Variants in SLC8A1 observed in about 807,000 individuals in gnomAD.
SLC8A1 encodes sodium/calcium exchanger 1.
SLC8A1 carries 18 observed loss-of-function variants against 68.3 expected under a neutral mutation model. The ratio of observed to expected loss-of-function variants is 0.26; its 90% CI spans 0.18 to 0.39. The LOEUF is 0.39. Among genes scored for constraint, SLC8A1 ranks in the 10% least tolerant of loss-of-function variants. The pLI is 1.00. For synonymous variants in SLC8A1, 475 were observed against 415.5 expected, an observed-to-expected ratio of 1.14 and a Z score of -1.74; for missense variants, 985 against 1,156.7, an observed-to-expected ratio of 0.85 and a Z score of 2.15.
chr2:40,210,199 T>C (rs1228470634), intron 2 of SLC8A1, among the ~76,000 whole-genome samples: 1 of 152,146 alleles, frequency 6.6e-6, no homozygotes, highest in Non-Finnish European at 1.5e-5. Context: ...TTAAATATCA[T>C]GTAGCAAGAG....
chr2:40,220,089 T>A (rs960722626), intron 2 of SLC8A1: 5 of 151,990 alleles, frequency 3.3e-5, no homozygotes, highest in African/African-American at 4.8e-5. Flanking sequence ...ACCTGTGACC[T>A]TTCAACTGGC....
At chr2:40,347,327 A>C (rs1043601557) in intron 2 of SLC8A1, among the ~76,000 whole-genome samples, 2 of 152,162 alleles carry the variant, frequency 1.3e-5, no homozygotes, top group Non-Finnish European at 2.9e-5. Flanking sequence ...CTATCAACCT[A>C]ACCATGTAAA....
At chr2:40,181,460 C>T (rs2049546907) in intron 2 of SLC8A1, among the ~76,000 whole-genome samples, 2 of 152,138 alleles carry the variant, frequency 1.3e-5, no homozygotes, top group African/African-American at 4.8e-5. Flanking sequence ...GAAAAAAGTA[C>T]TTTTGTAGGT....
intron 2 of SLC8A1, among the ~76,000 whole-genome samples, chr2:40,216,279 G>A (rs927199349): frequency 6.6e-6 from 1 of 152,052 alleles, no homozygotes; most frequent in African/African-American, 2.4e-5. Context: ...TCCTGAGTTA[G>A]TTTGCTGAAG....
At chr2:40,429,735 A>C in exon 2 of SLC8A1, 1 of 1,613,880 alleles carries the variant, frequency 6.2e-7, no homozygotes, top group Non-Finnish European at 8.5e-7. Flanking sequence ...AGAGTGCAAT[A>C]ATGATGAACA....
chr2:40,337,792 A>G (rs1666455105), intron 2 of SLC8A1, among the ~76,000 whole-genome samples: 1 of 152,148 alleles, frequency 6.6e-6, no homozygotes. Flanking sequence ...TTCTTATTTC[A>G]GTTATTGTAC....
At chr2:40,282,757 A>G (rs768581683) in intron 2 of SLC8A1, among the ~76,000 whole-genome samples, 2 of 152,286 alleles carry the variant, frequency 1.3e-5, no homozygotes, top group East Asian at 3.9e-4. Flanking sequence ...AGTCCTGCCC[A>G]GTAACAGAGA....
chr2:40,200,749 CA>C (rs1159323023), intron 2 of SLC8A1, among the ~76,000 whole-genome samples: 1 of 151,750 alleles, frequency 6.6e-6, no homozygotes, highest in African/African-American at 2.4e-5. Flanking sequence ...TGCCGTGAGC[CA>C]GAAGAAGGAA....
chr2:40,450,748 A>C (rs921759654), intron 1 of SLC8A1, among the ~76,000 whole-genome samples: 4 of 152,222 alleles, frequency 2.6e-5, no homozygotes, highest in African/African-American at 9.6e-5. Context: ...AGAGAGAGAG[A>C]GCGGCTTCAG....
intron 2 of SLC8A1, among the ~76,000 whole-genome samples, chr2:40,316,103 T>C (rs905075314): frequency 6.6e-6 from 1 of 152,106 alleles, no homozygotes; most frequent in Non-Finnish European, 1.5e-5. Flanking sequence ...AGACAACCTC[T>C]GTGGGTACCT....
chr2:40,359,261 G>A (rs902148708), intron 2 of SLC8A1, among the ~76,000 whole-genome samples: 3 of 152,078 alleles, frequency 2.0e-5, no homozygotes, highest in Admixed American at 1.3e-4. Flanking sequence ...ATACTGAAAT[G>A]ACATTTTGGA....
At chr2:40,228,896 C>G (rs974977149) in intron 2 of SLC8A1, among the ~76,000 whole-genome samples, 2 of 152,100 alleles carry the variant, frequency 1.3e-5, no homozygotes, top group Admixed American at 6.6e-5. Context: ...AAGTTATTCA[C>G]TTTACAGTTC....
chr2:40,169,214 CAG>C (rs754911811), intron 4 of SLC8A1, among the ~76,000 whole-genome samples: 2 of 152,170 alleles, frequency 1.3e-5, no homozygotes, highest in Non-Finnish European at 2.9e-5. Context: ...ATCTCTACCT[CAG>C]GGGACACTGT....
At chr2:40,466,502 T>C (rs1262513811) in intron 1 of SLC8A1, among the ~76,000 whole-genome samples, 6 of 152,142 alleles carry the variant, frequency 3.9e-5, no homozygotes. Flanking sequence ...GAAAAGAAAA[T>C]ATGTAGTTTC....
At chr2:40,437,057 A>G (rs1699571500) in intron 1 of SLC8A1, among the ~76,000 whole-genome samples, 1 of 152,182 alleles carries the variant, frequency 6.6e-6, no homozygotes, top group Admixed American at 6.5e-5. Flanking sequence ...ACAAGGAGAT[A>G]TTATCATTCG....
At chr2:40,385,260 A>G (rs1575935582) in intron 2 of SLC8A1, among the ~76,000 whole-genome samples, 2 of 152,110 alleles carry the variant, frequency 1.3e-5, no homozygotes, top group Non-Finnish European at 2.9e-5. Flanking sequence ...CCTTTTTTCT[A>G]ATCAAGTTTT....
At chr2:40,266,752 G>C (rs543296030) in intron 2 of SLC8A1, among the ~76,000 whole-genome samples, 1 of 152,300 alleles carries the variant, frequency 6.6e-6, no homozygotes, top group South Asian at 2.1e-4. Context: ...TGGTTAAACT[G>C]TAGGCTGATG....
At chr2:40,411,869 T>C (rs1211955172) in intron 2 of SLC8A1, among the ~76,000 whole-genome samples, 2 of 152,128 alleles carry the variant, frequency 1.3e-5, no homozygotes, top group African/African-American at 4.8e-5. Flanking sequence ...TATCCTGTTT[T>C]TATACAGACA....
intron 2 of SLC8A1, among the ~76,000 whole-genome samples, chr2:40,359,530 C>A (rs181901048): frequency 2.0e-5 from 3 of 152,120 alleles, no homozygotes; most frequent in Non-Finnish European, 1.5e-5. Context: ...GATCAAAAGG[C>A]ACCTGGAGGC....
Sources: allele counts gnomAD v4.1 joint callset (sites outside exome capture counted in the v4.1 genomes callset), GRCh38; gene constraint gnomAD v4.1.1; transcripts MANE v1.5; gene names NCBI Gene and HGNC (gene_info 2026-07-23, HGNC 2026-07-21).